Variants in MBNL1 observed in about 807,000 individuals in gnomAD.
The protein encoded by MBNL1 is muscleblind-like protein 1.
Under a neutral mutation model 42.2 loss-of-function variants are expected in MBNL1, and 8 were observed. The observed-to-expected ratio is 0.19, with a 90% CI of 0.11 to 0.34. MBNL1 has a LOEUF of 0.34. MBNL1 is among the 10% of genes least tolerant of loss of function. The pLI is 1.00. For synonymous variants in MBNL1, 169 were observed against 173.9 expected (o/e 0.97, Z 0.22); for missense variants, 309 against 495.3 (o/e 0.62, Z 3.57).
rs564135663 is a variant in MBNL1, at chr3:152,433,021, T to A, written c.549+101T>A. On this transcript the variant is annotated intron_variant, in intron 4 of 9. Transcript: ENST00000324210. ...TTCCATGGCCAAAAAGTTGTAAAAATTTTAAAACAGATTTTGGCTTAGGGT... is the reference window on the plus strand; with the variant it reads ...TTCCATGGCCAAAAAGTTGTAAAAAATTTAAAACAGATTTTGGCTTAGGGT... 1,085 of 1,074,154 alleles carry A rather than the reference T, an allele frequency of 1.0e-3. 18 individuals carry two copies. The South Asian group carries it at 0.016, about 15-fold the overall frequency. 66.5% of individuals were successfully genotyped at this position (1,074,154 alleles called of 1,614,324 possible).
intron 2 of MBNL1, chr3:152,396,191 A>C (rs1486846140): frequency 2.7e-6 from 1 of 368,968 alleles, no homozygotes; most frequent in Admixed American, 2.7e-5. Flanking sequence ...TTGCAGGAAA[A>C]CAAGCTCAGG....
chr3:152,378,730 A>G (rs2097036830), intron 2 of MBNL1, among the ~76,000 whole-genome samples: 1 of 152,270 alleles, frequency 6.6e-6, no homozygotes, highest in Non-Finnish European at 1.5e-5. Flanking sequence ...TTTATTTTAT[A>G]TTTAGAGACA....
intron 2 of MBNL1, among the ~76,000 whole-genome samples, chr3:152,310,897 A>G (rs1370855183): frequency 6.6e-6 from 1 of 152,056 alleles, no homozygotes; most frequent in Non-Finnish European, 1.5e-5. Flanking sequence ...GCATCAGATA[A>G]GGAAGTGTTT....
At chr3:152,337,357 C>T (rs943243164) in intron 2 of MBNL1, among the ~76,000 whole-genome samples, 10 of 152,116 alleles carry the variant, frequency 6.6e-5, no homozygotes, top group Admixed American at 3.9e-4. Context: ...CGGTGGCTCA[C>T]GCCTGTAATG....
chr3:152,442,436 G>A (rs2099156995), intron 4 of MBNL1, among the ~76,000 whole-genome samples: 1 of 152,168 alleles, frequency 6.6e-6, no homozygotes, highest in Non-Finnish European at 1.5e-5. Flanking sequence ...ACATACAGAA[G>A]ACTGGATGAG....
chr3:152,435,050 T>G (rs960327086), intron 4 of MBNL1, among the ~76,000 whole-genome samples: 1 of 151,996 alleles, frequency 6.6e-6, no homozygotes, highest in South Asian at 2.1e-4. Flanking sequence ...TAATTAGATA[T>G]CATTTTTCCA....
chr3:152,279,679 C>T (rs893161928), intron 1 of MBNL1, among the ~76,000 whole-genome samples: 1 of 152,064 alleles, frequency 6.6e-6, no homozygotes, highest in Non-Finnish European at 1.5e-5. Context: ...CAGTGCATTT[C>T]GCAGTAGGTA....
chr3:152,453,046 T>G (rs1302729926), intron 6 of MBNL1, among the ~76,000 whole-genome samples: 1 of 151,406 alleles, frequency 6.6e-6, no homozygotes, highest in Non-Finnish European at 1.5e-5. Flanking sequence ...ATTAATAAAT[T>G]ACTTATAATT....
chr3:152,312,942 CCA>C (rs1363233318), intron 2 of MBNL1, among the ~76,000 whole-genome samples: 1 of 152,158 alleles, frequency 6.6e-6, no homozygotes, highest in Non-Finnish European at 1.5e-5. Flanking sequence ...CACTTCATTC[CCA>C]GTGTCACGTT....
intron 2 of MBNL1, among the ~76,000 whole-genome samples, chr3:152,341,411 G>A (rs2093176543): frequency 6.6e-6 from 1 of 152,168 alleles, no homozygotes; most frequent in Non-Finnish European, 1.5e-5. Flanking sequence ...TTTAGAGTGG[G>A]AATTTAGAAC....
chr3:152,269,500 T>A (rs1179887960), intron 1 of MBNL1: 2 of 455,018 alleles, frequency 4.4e-6, no homozygotes, highest in Non-Finnish European at 8.8e-6. Flanking sequence ...TCCCGGCGGC[T>A]CCCGCATCCC....
intron 1 of MBNL1, among the ~76,000 whole-genome samples, chr3:152,275,241 G>A (rs969651944): frequency 2.6e-5 from 4 of 152,030 alleles, no homozygotes; most frequent in Non-Finnish European, 1.5e-5. Flanking sequence ...GCTTTCTGTG[G>A]GTAAGAAATG....
chr3:152,293,130 C>T (rs575096574), intron 1 of MBNL1, among the ~76,000 whole-genome samples: 3 of 152,060 alleles, frequency 2.0e-5, no homozygotes, highest in Admixed American at 6.6e-5. Context: ...AATCACAGAC[C>T]GGACACACTA....
intron 2 of MBNL1, among the ~76,000 whole-genome samples, chr3:152,322,526 G>A (rs184421084): frequency 5.0e-4 from 76 of 152,000 alleles, no homozygotes; most frequent in African/African-American, 1.8e-3. Context: ...TTCTAATTAC[G>A]ATACCACAAA....
At chr3:152,321,393 A>G (rs1259592736) in intron 2 of MBNL1, among the ~76,000 whole-genome samples, 1 of 152,130 alleles carries the variant, frequency 6.6e-6, no homozygotes, top group Admixed American at 6.6e-5. Flanking sequence ...ATTTGCTTAG[A>G]GAGTAAAGTT....
intron 2 of MBNL1, chr3:152,301,856 C>T (rs1191311157): frequency 6.6e-6 from 1 of 152,142 alleles, no homozygotes; most frequent in Non-Finnish European, 1.5e-5. Context: ...CGGTAACCAG[C>T]TGTGGCCATA....
intron 4 of MBNL1, among the ~76,000 whole-genome samples, chr3:152,441,147 C>T (rs1381058031): frequency 6.6e-6 from 1 of 152,084 alleles, no homozygotes; most frequent in African/African-American, 2.4e-5. Flanking sequence ...AGGGATATCT[C>T]CTTAAAGAAT....
intron 2 of MBNL1, among the ~76,000 whole-genome samples, chr3:152,366,976 T>C (rs1441068235): frequency 2.0e-5 from 3 of 152,172 alleles, no homozygotes; most frequent in Non-Finnish European, 4.4e-5. Flanking sequence ...GGATGTATTA[T>C]ATATTTACAT....
Position 152,373,558 on chromosome 3 carries a change from G to A in MBNL1, c.175-41383G>A, listed in dbSNP as rs143376743. Among the ~76,000 whole-genome samples, 850 of 152,170 alleles carry A rather than the reference G, an allele frequency of 5.6e-3. 9 individuals carry two copies. The highest frequency in any genetic ancestry group is 0.02 in the African/African-American group (820 of 41,520). The stretch of plus-strand genomic sequence containing the variant: ...GTCCCTCATGGCTTCCCTTTGGTGG[G>A]GGAGGTTGTTTTCTCACCCCTTGAG... On this transcript the variant is annotated intron_variant, in intron 2 of 9. Coordinates refer to ENST00000324210, the MANE Select transcript of MBNL1 (RefSeq NM_021038.5).
Sources: gnomAD v4.1 joint callset for allele counts (sites outside exome capture counted in the v4.1 genomes callset) on GRCh38, gnomAD v4.1.1 for gene constraint, MANE v1.5 for transcripts, NCBI Gene and HGNC (gene_info 2026-07-23, HGNC 2026-07-21) for gene names.